Variants in ATM observed in about 807,000 individuals in gnomAD.
ATM encodes the protein serine-protein kinase ATM.
ATM carries 308 observed loss-of-function variants against 387.0 expected under a neutral mutation model. The ratio of observed to expected loss-of-function variants is 0.80; its 90% confidence interval spans 0.73 to 0.87. The LOEUF is 0.87. Ranked by LOEUF, ATM falls within the 40% of genes least tolerant of loss-of-function variation. ATM has a pLI of 0.00. For synonymous variants in ATM, 1,156 were observed against 1,187.3 expected (o/e 0.97, Z 0.54); for missense variants, 3,312 against 3,560.9 (o/e 0.93, Z 1.78).
rs1165590160 is a variant in ATM at position 108,251,838 on chromosome 11, C to T, written c.1609C>T (p.Pro537Ser). Residue 537 changes from proline to serine, a missense_variant and splice_region_variant, in exon 11 of 63, where the codon CCT (proline) becomes TCT (serine). Pro to Ser is a moderately conservative substitution (Grantham distance 74). Around this residue, in one of 4 missense-constraint regions of ATM, gnomAD observed 1,791 missense variants for 1,804.5 expected, o/e 0.99. Coordinates refer to ENST00000675843, the MANE Select transcript of ATM (RefSeq NM_000051.4). Reference protein sequence around the residue: ...FTGSACRPSCPAVCCLTLALT... With the variant: ...FTGSACRPSCSAVCCLTLALT... Reference sequence around the variant, plus strand: ...CAATTGTCCTTTGTTTTGTTATAGTCCTGCAGTATGCTGTTTGACTTTGGC... The same window carrying T: ...CAATTGTCCTTTGTTTTGTTATAGTTCTGCAGTATGCTGTTTGACTTTGGC... 6.2e-7 allele frequency: 1 copy of T among 1,613,652 alleles called. No individual in the cohort carries two copies. Among genetic ancestry groups the T allele is most frequent in the Non-Finnish European group, 8.5e-7 (1 of 1,179,736 alleles).
At chr11:108,311,212 C>G (rs1023405224) in intron 39 of ATM, among the ~76,000 whole-genome samples, 5 of 152,086 alleles carry the variant, frequency 3.3e-5, no homozygotes, top group African/African-American at 1.2e-4. Flanking sequence ...TACGTTCAAG[C>G]AGTCCTCCCA....
In ATM at chr11:108,304,839, A is replaced by G. The variant is rs876658939; in HGVS notation, c.5661A>G (p.Ala1887=). ...FSQTSRSTTP[A]NLDSESEHFF... ...AAACGAGCCGATCCACAACCCCTGC[A>G]AACTTGGATTCAGGTATTCTATTAA... The change falls in exon 37 of 63, where the codon GCA becomes GCG. Residue 1887 remains alanine (A), a synonymous_variant. Coordinates refer to ENST00000675843, the MANE Select transcript of ATM (RefSeq NM_000051.4). 8 of 1,613,950 alleles carry G rather than the reference A, an allele frequency of 5.0e-6. No homozygotes were observed. The highest frequency in any genetic ancestry group is 4.2e-6 in the Non-Finnish European group (5 of 1,180,022).
chr11:108,339,632 T>C (rs2087271357), intron 56 of ATM, among the ~76,000 whole-genome samples: 1 of 152,146 alleles, frequency 6.6e-6, no homozygotes, highest in Non-Finnish European at 1.5e-5. Context: ...AATTCAGCTC[T>C]TTCTCCAACA....
chr11:108,327,511 A>T (rs1292386918), intron 47 of ATM, 134 bp from the exon 48 acceptor site: 1 of 676,524 alleles, frequency 1.5e-6, no homozygotes, highest in East Asian at 2.8e-5. Flanking sequence ...GCAAAAGCAG[A>T]TGAGGAAAAA....
intron 43 of ATM, 134 bp from the exon 44 acceptor site, chr11:108,319,820 A>G (rs2085061163): frequency 1.5e-6 from 1 of 671,696 alleles, no homozygotes; most frequent in South Asian, 2.0e-5. Context: ...TTTCTTACCA[A>G]AAATTCTAGA....
intron 16 of ATM, among the ~76,000 whole-genome samples, chr11:108,266,647 T>C (rs575589877): frequency 6.6e-6 from 1 of 152,110 alleles, no homozygotes; most frequent in East Asian, 1.9e-4. Context: ...AAAAAAATAA[T>C]AATTTTTAAA....
intron 61 of ATM, among the ~76,000 whole-genome samples, chr11:108,362,982 C>G (rs2090963453): frequency 1.3e-5 from 2 of 150,104 alleles, no homozygotes; most frequent in African/African-American, 5.0e-5. Flanking sequence ...AACAACAAAA[C>G]AAACAAACAA....
At chr11:108,229,369 G>T (rs1482294282) in intron 4 of ATM, 46 bp downstream of exon 4, 1 of 1,472,210 alleles carries the variant, frequency 6.8e-7, no homozygotes, top group Admixed American at 2.2e-5. Context: ...ACAGATTACT[G>T]TCGCGTGAGT....
chr11:108,294,777 A>C, intron 31 of ATM, 150 bp from the exon 32 acceptor site: 1 of 815,916 alleles, frequency 1.2e-6, no homozygotes, highest in South Asian at 1.6e-5. Flanking sequence ...TTGCAGTGGA[A>C]GAAATCATTT....
intron 57 of ATM, among the ~76,000 whole-genome samples, chr11:108,344,670 T>G (rs17503908): frequency 0.067 from 10,199 of 151,960 alleles, 445 homozygotes; most frequent in Middle Eastern, 0.12. Context: ...ATGAGAAATA[T>G]GAAGGAGGCA....
intron 26 of ATM, among the ~76,000 whole-genome samples, chr11:108,285,919 C>G (rs530692892): frequency 9.2e-4 from 140 of 152,232 alleles, no homozygotes; most frequent in Admixed American, 9.0e-3. Flanking sequence ...ATTTTTAGAG[C>G]CTGAATAGGT....
chr11:108,364,308 T>C (rs1218519039), intron 61 of ATM, among the ~76,000 whole-genome samples: 1 of 152,236 alleles, frequency 6.6e-6, no homozygotes, highest in Admixed American at 6.5e-5. Flanking sequence ...AAGCATTTGC[T>C]AAAGCCTATT....
chr11:108,330,173 G>T, intron 49 of ATM, 41 bp from the exon 50 acceptor site: 5 of 1,590,122 alleles, frequency 3.1e-6, no homozygotes, highest in Non-Finnish European at 4.3e-6. Context: ...TTCTGTTAAA[G>T]TTCATGGCTT....
At chr11:108,339,708 A>G (rs2136821072) in intron 56 of ATM, among the ~76,000 whole-genome samples, 1 of 152,232 alleles carries the variant, frequency 6.6e-6, no homozygotes. Context: ...TTCTGTATCA[A>G]TCTCTCAACA....
intron 1 of ATM, 68 bp downstream of exon 1, chr11:108,223,254 C>T (rs1429817330): frequency 6.3e-6 from 1 of 159,286 alleles, no homozygotes; most frequent in African/African-American, 2.4e-5. Context: ...CCCAGTCTGT[C>T]CTCTCCCCAG....
intron 11 of ATM, among the ~76,000 whole-genome samples, chr11:108,252,506 T>C (rs2080209185): frequency 6.6e-6 from 1 of 152,170 alleles, no homozygotes; most frequent in South Asian, 2.1e-4. Context: ...TGGAACCAAA[T>C]GATTGGAGAG....
At chr11:108,283,426 TC>T (rs757860483) in intron 25 of ATM, among the ~76,000 whole-genome samples, 1 of 152,202 alleles carries the variant, frequency 6.6e-6, no homozygotes, top group African/African-American at 2.4e-5. Context: ...TGTTTAGGTA[TC>T]AGGATGATGG....
intron 56 of ATM, among the ~76,000 whole-genome samples, chr11:108,337,538 A>G (rs1449024814): frequency 6.6e-6 from 1 of 152,214 alleles, no homozygotes; most frequent in Non-Finnish European, 1.5e-5. Context: ...AGATTAGGGT[A>G]GAACCTGTGA....
intron 49 of ATM, 195 bp downstream of exon 49, chr11:108,329,433 G>A: frequency 1.7e-6 from 1 of 577,986 alleles, no homozygotes; most frequent in Non-Finnish European, 3.0e-6. Flanking sequence ...TTGAGACAAG[G>A]TCTCACTCTG....
Sources: gnomAD v4.1 joint callset for allele counts (sites outside exome capture counted in the v4.1 genomes callset) on GRCh38, gnomAD v4.1.1 for gene constraint, gnomAD v4.1.1 regional missense constraint, MANE v1.5 for transcripts, NCBI Gene and HGNC (gene_info 2026-07-23, HGNC 2026-07-21) for gene names.